The following INSR variants were observed in gnomAD, a reference collection of about 807,000 sequenced individuals.
The protein encoded by INSR is IR.
In INSR, 67 loss-of-function variants were observed where a neutral mutation model predicts 142.6. The observed-to-expected ratio is 0.47, with a 90% CI of 0.39 to 0.58. The LOEUF is 0.58. Ranked by LOEUF, INSR falls within the 20% of genes least tolerant of loss-of-function variation. The pLI, the probability that INSR is intolerant of heterozygous loss-of-function variation, is 0.00. For missense variants in INSR, 1,248 were observed against 1,833.2 expected (o/e 0.68, Z 5.83); for synonymous variants, 756 against 743.1 (o/e 1.02, Z -0.28).
intron 2 of INSR, among the ~76,000 whole-genome samples, chr19:7,190,574 G>A (rs1163857699): frequency 6.6e-6 from 1 of 151,976 alleles, no homozygotes; most frequent in Non-Finnish European, 1.5e-5. Context: ...GTTTCACCAC[G>A]TTGGCCAGGC....
chr19:7,179,389 C>T (rs1045439618), intron 3 of INSR, among the ~76,000 whole-genome samples: 3 of 152,278 alleles, frequency 2.0e-5, no homozygotes, highest in South Asian at 2.1e-4. Flanking sequence ...AAACTTGTGG[C>T]GTCTGATGCT....
rs530497446 is a variant in INSR at position 7,291,401 on chromosome 19, C to A, written c.100+2391G>T. ...ATTAACTGAGATTATATATGCAAAG[C>A]GCATAGAACAGCACCTGCTGAGAGC... On this transcript the variant is annotated intron_variant, in intron 1 of 21. Transcript: ENST00000302850. 1.2e-4 allele frequency among the ~76,000 whole-genome samples: 18 copies of A among 152,330 alleles called. No homozygotes were observed. The South Asian group carries it at 3.7e-3, about 32-fold the overall frequency.
intron 2 of INSR, among the ~76,000 whole-genome samples, chr19:7,220,860 C>G (rs1975589844): frequency 6.6e-6 from 1 of 152,160 alleles, no homozygotes; most frequent in African/African-American, 2.4e-5. Context: ...AATGTAATTC[C>G]TCATGTGGCA....
intron 13 of INSR, among the ~76,000 whole-genome samples, chr19:7,140,377 T>G (rs1339971798): frequency 6.6e-6 from 1 of 152,194 alleles, no homozygotes; most frequent in Non-Finnish European, 1.5e-5. Context: ...ATCCATTCAT[T>G]TACATATCAC....
Position 7,267,550 on chromosome 19 carries a change from GTTC to G in INSR, c.444_446del (p.Lys148del). 1.9e-6 allele frequency: 3 copies of G among 1,614,088 alleles called. No homozygotes were observed. The highest frequency in any genetic ancestry group is 2.2e-5 in the East Asian group (1 of 44,884). On this transcript the variant is annotated inframe_deletion, in exon 2 of 22. Transcript: ENST00000302850. This position sits in a 1 kb window ranked among gnomAD's most constrained non-coding sequence, Gnocchi z 6.3. ...TAGTGGCCAAGTAACAGAGCTCATT[GTTC>G]TTCTCGATGCGGACAGAACCCCGGG...
intron 2 of INSR, among the ~76,000 whole-genome samples, chr19:7,253,108 C>A (rs933812691): frequency 4.0e-5 from 5 of 125,544 alleles, no homozygotes; most frequent in Non-Finnish European, 6.4e-5. Context: ...AGTGAGACTC[C>A]GCCAAAAAAA....
At position 7,176,336 on chromosome 19, in the gene INSR, C is replaced by T. The variant is rs371477147; in HGVS notation, c.975-1605G>A. On this transcript the variant is annotated intron_variant, in intron 3 of 21. Coordinates refer to ENST00000302850, the MANE Select transcript of INSR (RefSeq NM_000208.4). The stretch of plus-strand genomic sequence containing the variant: ...GTAGCACCAGCCGGGCATGGTGGCT[C>T]ATGCCTGTAATTCCGGCACTTTGGG... Among the ~76,000 whole-genome samples, 15 of 152,318 alleles carry T rather than the reference C, an allele frequency of 9.8e-5. No individual in the cohort carries two copies. In the East Asian group the frequency reaches 1.9e-3, roughly 20 times the overall value.
At chr19:7,197,758 AGTGT>A (rs57922087) in intron 2 of INSR, among the ~76,000 whole-genome samples, 20 of 57,794 alleles carry the variant, frequency 3.5e-4, no homozygotes, top group Admixed American at 6.9e-4. Flanking sequence ...CCAGAGTGGG[AGTGT>A]GTGTGTGTGT....
chr19:7,294,015 C>CCCGCGGG lies in INSR; in HGVS notation c.-131_-125dup. On this transcript the variant is annotated 5_prime_UTR_variant, in exon 1 of 22. Transcript: ENST00000302850. ...GCGTCCTTCTCTTCCACGCCCGCGA[C>CCCGCGGG]CCGCGGGCCGCAGCCCCCCTGCCGG... 1.9e-6 allele frequency: 2 copies of CCCGCGGG among 1,028,418 alleles called. No individual in the cohort carries two copies. The highest frequency in any genetic ancestry group is 9.6e-5 in the South Asian group (2 of 20,886). The allele number at this position is 1,028,418 out of a possible 1,614,324, so 63.7% of individuals were successfully genotyped here. A position where few individuals can be genotyped will look rare whatever the true frequency, so the allele number is the denominator to read the frequency against.
intron 1 of INSR, among the ~76,000 whole-genome samples, chr19:7,287,202 C>G (rs148707804): frequency 2.8e-4 from 42 of 148,772 alleles, no homozygotes; most frequent in African/African-American, 2.0e-4. Context: ...CTCTGTCACC[C>G]AGGCTAGAGT....
intron 2 of INSR, among the ~76,000 whole-genome samples, chr19:7,221,272 G>C (rs1975602249): frequency 6.6e-6 from 1 of 152,096 alleles, no homozygotes. Flanking sequence ...TACTCGGGAG[G>C]CTGAAGTGGG....
intron 9 of INSR, 67 bp from the exon 10 acceptor site, chr19:7,152,994 C>A (rs1599913264): frequency 8.7e-6 from 7 of 806,466 alleles, no homozygotes; most frequent in Non-Finnish European, 5.7e-6. Context: ...CACACACACA[C>A]ACCCCACACA....
chr19:7,145,811 A>C (rs1260491992), intron 11 of INSR, among the ~76,000 whole-genome samples: 1 of 152,200 alleles, frequency 6.6e-6, no homozygotes, highest in African/African-American at 2.4e-5. Context: ...TTCTTGTCTT[A>C]TTACATTGGC....
chr19:7,165,678 C>T (rs1463701181), intron 8 of INSR, among the ~76,000 whole-genome samples: 1 of 151,896 alleles, frequency 6.6e-6, no homozygotes, highest in Non-Finnish European at 1.5e-5. Context: ...GCCTGGGTAA[C>T]ACAGCAACGT....
intron 2 of INSR, among the ~76,000 whole-genome samples, chr19:7,187,631 G>A (rs1451032972): frequency 2.6e-5 from 4 of 152,096 alleles, no homozygotes; most frequent in African/African-American, 7.2e-5. Flanking sequence ...GGGGTACAGT[G>A]ACACAGTGAC....
At chr19:7,176,549 C>T (rs62111393) in intron 3 of INSR, among the ~76,000 whole-genome samples, 12,743 of 152,162 alleles carry the variant, frequency 0.084, 634 homozygotes, top group South Asian at 0.23. Context: ...TGCAGTGAGC[C>T]GAGATTGTGC....
intron 14 of INSR, among the ~76,000 whole-genome samples, chr19:7,130,093 C>G (rs1271749193): frequency 6.6e-6 from 1 of 152,148 alleles, no homozygotes; most frequent in African/African-American, 2.4e-5. Flanking sequence ...AGGCACTTAA[C>G]ATTTGTGTCA....
intron 2 of INSR, among the ~76,000 whole-genome samples, chr19:7,209,302 G>A (rs1401820097): frequency 6.6e-6 from 1 of 152,218 alleles, no homozygotes; most frequent in East Asian, 1.9e-4. Flanking sequence ...CTCCAGGCTG[G>A]GTGACCAATG....
chr19:7,172,562 G>A (rs1974043152), intron 4 of INSR, 128 bp from the exon 5 acceptor site: 1 of 1,000,102 alleles, frequency 1.0e-6, no homozygotes, highest in Non-Finnish European at 1.6e-6. Flanking sequence ...AACTCATCAT[G>A]CTTAGAACAC....
Sources: allele counts gnomAD v4.1 joint callset (sites outside exome capture counted in the v4.1 genomes callset), GRCh38; gene constraint gnomAD v4.1.1; non-coding constraint Gnocchi (gnomAD v3.1); transcripts MANE v1.5; gene names NCBI Gene and HGNC (gene_info 2026-07-23, HGNC 2026-07-21).